TMEM175: variants seen among roughly 807,000 people sequenced by gnomAD.
The protein encoded by TMEM175 is transmembrane protein 175, also known as endosomal/lysosomal proton channel TMEM175.
TMEM175 carries 36 observed loss-of-function variants against 36.5 expected under a neutral mutation model. The ratio of observed to expected loss-of-function variants is 0.99; its 90% CI spans 0.76 to 1.30. TMEM175 has a LOEUF of 1.30. Among genes scored for constraint, TMEM175 ranks in the 50% most tolerant of loss-of-function variants. The pLI is 0.00. For synonymous variants in TMEM175, 339 were observed against 313.4 expected (o/e 1.08, Z -0.86); for missense variants, 705 against 692.8 (o/e 1.02, Z -0.20).
intron 10 of TMEM175, chr4:956,358 G>A (rs1023766452): frequency 7.4e-5 from 95 of 1,290,732 alleles, no homozygotes; most frequent in Admixed American, 1.6e-4. Context: ...TCCTTCCAGC[G>A]TCTGCTCCTC....
At chr4:950,829 A>T (rs1455578564) in intron 4 of TMEM175, among the ~76,000 whole-genome samples, 1 of 112,406 alleles carries the variant, frequency 8.9e-6, no homozygotes, top group Non-Finnish European at 1.8e-5. Flanking sequence ...GGAGGTGTGG[A>T]TGGTGTGGAT....
Position 950,692 on chromosome 4 carries a change from T to TGGTGCAGTAGGCGGAGGTGTGGAC in TMEM175, c.290+186_290+209dup, listed in dbSNP as rs1451126039. Among the ~76,000 whole-genome samples, 232 of 151,906 alleles carry TGGTGCAGTAGGCGGAGGTGTGGAC rather than the reference T, an allele frequency of 1.5e-3. 4 individuals carry two copies. Among genetic ancestry groups the TGGTGCAGTAGGCGGAGGTGTGGAC allele is most frequent in the African/African-American group, 5.1e-3 (213 of 41,408 alleles). On this transcript the variant is annotated intron_variant, in intron 4 of 10. Coordinates refer to ENST00000264771, the MANE Select transcript of TMEM175 (RefSeq NM_032326.4). ...AACCCAGGGCCTGGGACAGTGTGGA[T>TGGTGCAGTAGGCGGAGGTGTGGAC]GGTGCAGTAGGCGGAGGTGTGGACG...
chr4:947,613 C>T (rs1276718068), intron 1 of TMEM175, 96 bp from the exon 2 acceptor site: 3 of 933,500 alleles, frequency 3.2e-6, no homozygotes, highest in South Asian at 1.7e-5. Flanking sequence ...CAAGCCCCCC[C>T]CCATACCAGT....
chr4:950,463 G>A lies in TMEM175; in HGVS notation c.235G>A (p.Ala79Thr), dbSNP rs1251911003. The change falls in exon 4 of 11, where the codon GCC becomes ACC. Residue 79 changes from alanine to threonine, a missense_variant. By Grantham distance (58) the Ala-to-Thr change is moderately conservative (BLOSUM62 0). Coordinates refer to ENST00000264771, the MANE Select transcript of TMEM175 (RefSeq NM_032326.4). ...SVQRLLATRI[A>T]VYLMTFLIVT... ...ACAGAGGCTTCTGGCAACACGGATT[G>A]CCGTCTACCTGATGACCTTTCTCAT... The A allele has an allele frequency of 6.2e-7, 1 of 1,613,986 alleles. No individual in the cohort carries two copies. Among genetic ancestry groups the A allele is most frequent in the African/African-American group, 1.3e-5 (1 of 74,934 alleles).
intron 1 of TMEM175, among the ~76,000 whole-genome samples, chr4:938,513 G>GA (rs61152833): frequency 4.8e-4 from 72 of 150,304 alleles, no homozygotes; most frequent in African/African-American, 1.4e-3. Context: ...CCAAAAAAAA[G>GA]AAAAAAAAAT....
intron 8 of TMEM175, 141 bp downstream of exon 8, chr4:953,495 C>T: frequency 3.7e-6 from 4 of 1,084,036 alleles, no homozygotes; most frequent in Non-Finnish European, 3.8e-6. Context: ...TGTGTGAGGC[C>T]CAGGGCTGCA....
At chr4:950,571 C>A in intron 4 of TMEM175, 53 bp downstream of exon 4, 1 of 1,342,810 alleles carries the variant, frequency 7.4e-7, no homozygotes, top group Non-Finnish European at 1.1e-6. Flanking sequence ...GGTTCCCGTA[C>A]CCCGCACCAC....
At chr4:956,088 G>A (rs1031013247) in intron 10 of TMEM175, 198 bp downstream of exon 10, 13 of 793,838 alleles carry the variant, frequency 1.6e-5, no homozygotes, top group Admixed American at 1.5e-4. Context: ...CCTTCCCAGC[G>A]GCCCCTCCCT....
intron 8 of TMEM175, among the ~76,000 whole-genome samples, chr4:953,850 T>A (rs930104499): frequency 6.6e-6 from 1 of 151,750 alleles, no homozygotes; most frequent in Non-Finnish European, 1.5e-5. Flanking sequence ...CACACCTGGG[T>A]AGTTTTGGTA....
rs1355229274 is a variant in TMEM175, at chr4:958,538, A to C, written c.*42A>C. 7.7e-6 allele frequency: 11 copies of C among 1,426,338 alleles called. No individual in the cohort carries two copies. The highest frequency in any genetic ancestry group is 1.0e-5 in the Non-Finnish European group (11 of 1,082,502). The allele number at this position is 1,426,338 out of a possible 1,614,324, so 88.4% of individuals were successfully genotyped here. ...TCCCAGCCGTCCTCACCAGAGATGG[A>C]CCAGGGAGGACAGGATGCTGGGCAG... On this transcript the variant is annotated 3_prime_UTR_variant, in exon 11 of 11. Transcript: ENST00000264771.
At chr4:954,641 T>C (rs911571601) in intron 8 of TMEM175, among the ~76,000 whole-genome samples, 6 of 152,190 alleles carry the variant, frequency 3.9e-5, no homozygotes, top group African/African-American at 1.4e-4. Flanking sequence ...TCTCAGGCTG[T>C]TGGTGTGTGT....
In TMEM175 at chr4:950,227, G is replaced by A. The variant is rs538876836; in HGVS notation, c.193-194G>A. 8.2e-3 allele frequency among the ~76,000 whole-genome samples: 1,255 copies of A among 152,208 alleles called. 15 individuals are homozygous for A. The highest frequency in any genetic ancestry group is 0.028 in the African/African-American group (1,178 of 41,548). On this transcript the variant is annotated intron_variant, in intron 3 of 10. Coordinates refer to ENST00000264771, the MANE Select transcript of TMEM175 (RefSeq NM_032326.4). The stretch of plus-strand genomic sequence containing the variant: ...CAGGGGAGACAGACCAGCTGGAGAC[G>A]GAGGCTGGACCCAGACCAGGGCACT...
chr4:945,486 C>A (rs370857605), intron 1 of TMEM175, among the ~76,000 whole-genome samples: 2 of 152,140 alleles, frequency 1.3e-5, no homozygotes, highest in Non-Finnish European at 2.9e-5. Flanking sequence ...GGCCTCTCTC[C>A]GTTTCATTTG....
chr4:950,604 C>A, intron 4 of TMEM175, 86 bp downstream of exon 4: 1 of 1,043,350 alleles, frequency 9.6e-7, no homozygotes, highest in Non-Finnish European at 1.5e-6. Context: ...TCCATGGGGT[C>A]GGGGAGGACA....
At chr4:955,714 TG>T (rs950377652) in intron 9 of TMEM175, 40 bp from the exon 10 acceptor site, 3 of 1,602,228 alleles carry the variant, frequency 1.9e-6, no homozygotes, top group Admixed American at 3.4e-5. Context: ...TACCTCCACA[TG>T]GGGGGTTTGG....
At chr4:954,044 A>C (rs1729308243) in intron 8 of TMEM175, among the ~76,000 whole-genome samples, 2 of 150,880 alleles carry the variant, frequency 1.3e-5, no homozygotes, top group South Asian at 4.2e-4. Context: ...GCTGGAGTGC[A>C]CTGGCGCAAT....
At chr4:950,291 TCA>T in intron 3 of TMEM175, 128 bp from the exon 4 acceptor site, 4 of 721,532 alleles carry the variant, frequency 5.5e-6, no homozygotes, top group Non-Finnish European at 4.9e-6. Context: ...CCCAGGTGCC[TCA>T]CAGGACCCAC....
intron 1 of TMEM175, among the ~76,000 whole-genome samples, chr4:942,636 C>CTTTTTTTTTTTTTTTTTTT (rs879382397): frequency 1.5e-5 from 2 of 137,704 alleles, no homozygotes; most frequent in Non-Finnish European, 1.6e-5. Context: ...CTTGAATTTT[C>CTTTTTTTTTTTTTTTTTTT]TTTTTTTTTT....
At chr4:948,314 C>CAA in intron 3 of TMEM175, 160 bp downstream of exon 3, 1 of 1,548,590 alleles carries the variant, frequency 6.5e-7, no homozygotes, top group Non-Finnish European at 8.7e-7. Flanking sequence ...GGGAGGGAGC[C>CAA]AACAAGTCCT....
Sources: allele counts gnomAD v4.1 joint callset (sites outside exome capture counted in the v4.1 genomes callset), GRCh38; gene constraint gnomAD v4.1.1; transcripts MANE v1.5; gene names NCBI Gene and HGNC (gene_info 2026-07-23, HGNC 2026-07-21).